The following ADAM9 variants were observed in gnomAD, a reference collection of about 807,000 sequenced individuals.
ADAM9 encodes ADAM metallopeptidase domain 9.
In ADAM9, 54 loss-of-function variants were observed where a neutral mutation model predicts 108.1. The observed-to-expected ratio is 0.50, with a 90% CI of 0.40 to 0.63. The LOEUF (loss-of-function observed/expected upper bound fraction) is 0.63. ADAM9 is among the 20% of genes least tolerant of loss of function. The pLI is 0.00. For synonymous variants in ADAM9, 316 were observed against 336.0 expected (o/e 0.94, Z 0.65); for missense variants, 830 against 997.7 (o/e 0.83, Z 2.26).
At chr8:39,075,197 G>A (rs753348671) in intron 15 of ADAM9, among the ~76,000 whole-genome samples, 12 of 152,152 alleles carry the variant, frequency 7.9e-5, no homozygotes, top group Non-Finnish European at 1.0e-4. Flanking sequence ...GTGAGCCACC[G>A]CGCCTGGCCC....
At chr8:39,008,576 A>G (rs1484224414) in intron 2 of ADAM9, among the ~76,000 whole-genome samples, 1 of 152,192 alleles carries the variant, frequency 6.6e-6, no homozygotes, top group Non-Finnish European at 1.5e-5. Context: ...GATTATATAC[A>G]TTTTAACTGA....
chr8:39,083,169 T>C (rs1185711272), intron 18 of ADAM9, 96 bp downstream of exon 18: 4 of 860,538 alleles, frequency 4.6e-6, no homozygotes, highest in African/African-American at 1.7e-5. Flanking sequence ...ACATCAGTTA[T>C]ACATTTAATT....
At chr8:39,052,910 A>G (rs889594293) in intron 12 of ADAM9, among the ~76,000 whole-genome samples, 1 of 152,080 alleles carries the variant, frequency 6.6e-6, no homozygotes, top group African/African-American at 2.4e-5. Context: ...AAACTCTCAA[A>G]CTGTTTTCTA....
At chr8:39,069,442 T>C (rs1237754083) in intron 14 of ADAM9, among the ~76,000 whole-genome samples, 1 of 152,218 alleles carries the variant, frequency 6.6e-6, no homozygotes, top group Non-Finnish European at 1.5e-5. Flanking sequence ...CTTCACTAGC[T>C]CATGCATTCT....
At chr8:39,044,272 C>T (rs1056929159) in intron 12 of ADAM9, among the ~76,000 whole-genome samples, 4 of 152,080 alleles carry the variant, frequency 2.6e-5, no homozygotes, top group African/African-American at 4.8e-5. Flanking sequence ...TTGTGTATGG[C>T]GTAAGATAAG....
Position 39,042,076 on chromosome 8 carries a change from T to C in ADAM9, c.1261T>C (p.Leu421=), listed in dbSNP as rs774116791. 1 of 1,614,088 alleles carries C rather than the reference T, an allele frequency of 6.2e-7. No individual in the cohort carries two copies. Among genetic ancestry groups the C allele is most frequent in the Non-Finnish European group, 8.5e-7 (1 of 1,179,934 alleles). Residue 421 remains leucine (L), a synonymous_variant, in exon 12 of 22, where the codon TTG becomes CTG. Transcript: ENST00000487273. Reference sequence around the variant, plus strand: ...TAGTGCTCCCTCCTGTGGTAATAAGTTGGTGGACGCTGGGGAAGAGTGTGA... The same window carrying C: ...TAGTGCTCCCTCCTGTGGTAATAAGCTGGTGGACGCTGGGGAAGAGTGTGA... The part of the protein sequence containing the change: ...AYSAPSCGNK[L]VDAGEECDCG...
rs1836746514 is a variant in ADAM9, at chr8:39,021,709, G to T, written c.739G>T (p.Asp247Tyr). The T allele has an allele frequency of 1.9e-6, 3 of 1,612,092 alleles. No homozygotes were observed. The highest frequency in any genetic ancestry group is 3.3e-5 in the Admixed American group (2 of 59,994). Residue 247 changes from aspartate to tyrosine, a missense_variant, in exon 8 of 22, where the codon GAT (aspartate) becomes TAT (tyrosine). Around this residue, in one of 3 missense-constraint regions of ADAM9, gnomAD observed 381 missense variants for 539.8 expected, o/e 0.71. Transcript: ENST00000487273. ...GATGATTCTCCTGGCAAACTACTTG[G>T]ATAGTGTAAGTTGTATTTTCTATCA... ...EEMILLANYL[D>Y]SMYIMLNIRI...
chr8:39,045,529 C>CATATGTGTGTAT (rs1453482954), intron 12 of ADAM9, among the ~76,000 whole-genome samples: 21 of 114,966 alleles, frequency 1.8e-4, no homozygotes, highest in African/African-American at 7.0e-4. Context: ...TATATATGTG[C>CATATGTGTGTAT]ATATGTGTGT....
chr8:39,010,874 C>T (rs1836332435), intron 2 of ADAM9, among the ~76,000 whole-genome samples: 1 of 151,968 alleles, frequency 6.6e-6, no homozygotes, highest in African/African-American at 2.4e-5. Flanking sequence ...GGGTGGATCA[C>T]CTCAGGTCAG....
chr8:39,072,964 A>G (rs1838744019), intron 15 of ADAM9, among the ~76,000 whole-genome samples: 1 of 152,180 alleles, frequency 6.6e-6, no homozygotes, highest in African/African-American at 2.4e-5. Context: ...GTCTAGTTCA[A>G]TTCCATTGAG....
At chr8:39,036,057 CAT>C (rs1162806085) in intron 11 of ADAM9, among the ~76,000 whole-genome samples, 1 of 151,272 alleles carries the variant, frequency 6.6e-6, no homozygotes, top group African/African-American at 2.4e-5. Flanking sequence ...TAGTGATGTA[CAT>C]GTTTCATTTT....
intron 16 of ADAM9, among the ~76,000 whole-genome samples, chr8:39,080,877 G>T (rs1035375304): frequency 6.6e-6 from 1 of 151,496 alleles, no homozygotes; most frequent in East Asian, 1.9e-4. Flanking sequence ...GTGGTTGTTG[G>T]TGGTGGCCAT....
chr8:39,032,648 T>C (rs1837134931), intron 11 of ADAM9, among the ~76,000 whole-genome samples: 1 of 152,264 alleles, frequency 6.6e-6, no homozygotes, highest in African/African-American at 2.4e-5. Context: ...TGCCCCGCCC[T>C]GCTTTGGCTC....
intron 16 of ADAM9, among the ~76,000 whole-genome samples, chr8:39,080,219 T>A (rs1424499994): frequency 6.6e-6 from 1 of 152,094 alleles, no homozygotes; most frequent in Non-Finnish European, 1.5e-5. Context: ...AAAGTTGTCG[T>A]GATTAAAAAT....
chr8:39,048,507 G>C (rs542593051), intron 12 of ADAM9, among the ~76,000 whole-genome samples: 23 of 152,256 alleles, frequency 1.5e-4, no homozygotes, highest in Non-Finnish European at 2.9e-4. Flanking sequence ...TGTGAGCCTG[G>C]AGAGAGTTCC....
At position 39,088,310 on chromosome 8, in the gene ADAM9, C is replaced by T. The variant is rs113975986; in HGVS notation, c.2069-1737C>T. The stretch of plus-strand genomic sequence containing the variant: ...AGATGGAGTCTCGCTCTGTTGCCCA[C>T]GCTGGAGTGCAGTGGTGCAATCTCG... On this transcript the variant is annotated intron_variant, in intron 18 of 21. Coordinates refer to ENST00000487273, the MANE Select transcript of ADAM9 (RefSeq NM_003816.3). 8.0e-3 allele frequency among the ~76,000 whole-genome samples: 1,213 copies of T among 151,260 alleles called. 24 individuals carry two copies. Among genetic ancestry groups the T allele is most frequent in the African/African-American group, 0.028 (1,147 of 41,256 alleles).
At chr8:39,040,514 A>G (rs760947118) in intron 11 of ADAM9, among the ~76,000 whole-genome samples, 10 of 152,164 alleles carry the variant, frequency 6.6e-5, no homozygotes, top group Admixed American at 1.3e-4. Context: ...TCTTTTGTTC[A>G]TTTTAAAAAT....
At chr8:39,054,290 A>G (rs1161688825) in intron 12 of ADAM9, among the ~76,000 whole-genome samples, 191 bp from the exon 13 acceptor site, 1 of 152,166 alleles carries the variant, frequency 6.6e-6, no homozygotes, top group Non-Finnish European at 1.5e-5. Context: ...GTCCTTTGAA[A>G]TATGTTGAGA....
chr8:39,026,134 T>A (rs533187848), intron 10 of ADAM9, among the ~76,000 whole-genome samples: 14 of 152,338 alleles, frequency 9.2e-5, no homozygotes, highest in African/African-American at 3.4e-4. Flanking sequence ...ATGTGCAGAA[T>A]GTCCAGGTTT....
Sources: gnomAD v4.1 joint callset for allele counts (sites outside exome capture counted in the v4.1 genomes callset) on GRCh38, gnomAD v4.1.1 for gene constraint, gnomAD v4.1.1 regional missense constraint, MANE v1.5 for transcripts, NCBI Gene and HGNC (gene_info 2026-07-23, HGNC 2026-07-21) for gene names.